The following B3GLCT variants were observed in gnomAD, a reference collection of about 807,000 sequenced individuals.
The protein encoded by B3GLCT is beta-1,3-glucosyltransferase.
A neutral mutation model predicts 63.4 loss-of-function variants in B3GLCT; 65 were observed. The observed-to-expected ratio is 1.03, with a 90% CI of 0.84 to 1.26. The LOEUF (loss-of-function observed/expected upper bound fraction) is 1.26. Among genes scored for constraint, B3GLCT ranks in the 50% most tolerant of loss-of-function variants. B3GLCT has a pLI of 0.00. For missense variants in B3GLCT, 577 were observed against 604.8 expected (o/e 0.95, Z 0.48); for synonymous variants, 233 against 219.2 (o/e 1.06, Z -0.55).
At chr13:31,306,768 C>A (rs1417982587) in intron 12 of B3GLCT, among the ~76,000 whole-genome samples, 1 of 43,066 alleles carries the variant, frequency 2.3e-5, no homozygotes, top group African/African-American at 8.3e-5. Context: ...AGGTAATTTA[C>A]AGATTCAATG....
intron 1 of B3GLCT, among the ~76,000 whole-genome samples, chr13:31,202,108 G>A (rs981050374): frequency 6.6e-6 from 1 of 152,200 alleles, no homozygotes; most frequent in African/African-American, 2.4e-5. Context: ...TGTGACAGGC[G>A]TTCTGTCACA....
At chr13:31,283,079 A>G (rs1485080279) in intron 10 of B3GLCT, 1 of 152,264 alleles carries the variant, frequency 6.6e-6, no homozygotes, top group African/African-American at 2.4e-5. Flanking sequence ...TTAATTGAGA[A>G]GAAACACCCG....
At chr13:31,311,520 A>C (rs1435026399) in intron 12 of B3GLCT, 3 of 152,248 alleles carry the variant, frequency 2.0e-5, no homozygotes, top group African/African-American at 7.2e-5. Flanking sequence ...TTTTGATGCA[A>C]CTAACCTAAA....
intron 6 of B3GLCT, among the ~76,000 whole-genome samples, chr13:31,257,810 A>C (rs540534114): frequency 3.5e-4 from 54 of 152,118 alleles, no homozygotes; most frequent in Admixed American, 1.8e-3. Context: ...AGTAGAGGCG[A>C]GTTGCTTTTT....
At chr13:31,235,586 C>T (rs1870609460) in intron 4 of B3GLCT, among the ~76,000 whole-genome samples, 1 of 152,126 alleles carries the variant, frequency 6.6e-6, no homozygotes. Context: ...TCTCAGACTG[C>T]CTGACTAATT....
chr13:31,293,400 G>T (rs1394909745), intron 12 of B3GLCT, among the ~76,000 whole-genome samples: 1 of 152,132 alleles, frequency 6.6e-6, no homozygotes, highest in Non-Finnish European at 1.5e-5. Flanking sequence ...TGACAGTGGG[G>T]TGTTAAAGCC....
At chr13:31,259,357 A>G (rs980323792) in intron 6 of B3GLCT, among the ~76,000 whole-genome samples, 1 of 151,968 alleles carries the variant, frequency 6.6e-6, no homozygotes, top group Non-Finnish European at 1.5e-5. Context: ...AGGACTTCCT[A>G]TAGAAGGATT....
intron 1 of B3GLCT, among the ~76,000 whole-genome samples, chr13:31,210,491 T>G (rs1021886773): frequency 1.3e-5 from 2 of 152,200 alleles, no homozygotes; most frequent in Non-Finnish European, 2.9e-5. Context: ...CACTCCTTCT[T>G]TTCTTTGTCA....
chr13:31,317,728 C>T (rs1053644805), intron 13 of B3GLCT, 43 bp downstream of exon 13: 20 of 1,612,376 alleles, frequency 1.2e-5, no homozygotes, highest in Non-Finnish European at 1.7e-5. Flanking sequence ...TAAACATAAA[C>T]TTCCCTTTCC....
chr13:31,256,048 G>A (rs1871721869), intron 6 of B3GLCT, among the ~76,000 whole-genome samples: 1 of 152,140 alleles, frequency 6.6e-6, no homozygotes, highest in Non-Finnish European at 1.5e-5. Flanking sequence ...CTATCCATCT[G>A]ACAAAGGGCT....
rs540610320 is a variant in B3GLCT at position 31,300,839 on chromosome 13, C to T, written c.1064+14020C>T. Among the ~76,000 whole-genome samples the T allele has an allele frequency of 3.9e-5, 6 of 152,312 alleles. No homozygotes were observed. In the East Asian group the frequency reaches 1.2e-3, roughly 29 times the overall value. On this transcript the variant is annotated intron_variant, in intron 12 of 14. Coordinates refer to ENST00000343307, the MANE Select transcript of B3GLCT (RefSeq NM_194318.4). ...GAGCAGTAAGGGATGATAAAAAATA[C>T]ACTTTAGCAAAGTTCAGGCCCCTCC...
chr13:31,240,482 T>TTTC (rs1464014015), intron 4 of B3GLCT, among the ~76,000 whole-genome samples: 1 of 151,296 alleles, frequency 6.6e-6, no homozygotes, highest in Non-Finnish European at 1.5e-5. Context: ...TTTTTTCTTT[T>TTTC]TTTTTTTTTA....
chr13:31,293,490 T>C (rs1873782415), intron 12 of B3GLCT, among the ~76,000 whole-genome samples: 1 of 152,234 alleles, frequency 6.6e-6, no homozygotes, highest in Non-Finnish European at 1.5e-5. Flanking sequence ...TGCTCCGGTA[T>C]TGGGTGCATA....
rs370713248 is a variant in B3GLCT, at chr13:31,222,946, A to G, written c.121-6A>G. ...TTCATCTTTTTCTCTTTCATTTAAA[A>G]TACAGGATTTGGAGAAAAGTGGTAT... On this transcript the variant is annotated splice_polypyrimidine_tract_variant and splice_region_variant and intron_variant, in intron 2 of 14. Coordinates refer to ENST00000343307, the MANE Select transcript of B3GLCT (RefSeq NM_194318.4). The G allele has an allele frequency of 6.0e-6, 9 of 1,511,296 alleles. No individual in the cohort carries two copies. Among genetic ancestry groups the G allele is most frequent in the African/African-American group, 1.4e-5 (1 of 72,638 alleles). 93.6% of individuals were successfully genotyped at this position (1,511,296 alleles called of 1,614,324 possible). A position where few individuals can be genotyped will look rare whatever the true frequency, so the allele number is the denominator to read the frequency against.
intron 12 of B3GLCT, among the ~76,000 whole-genome samples, chr13:31,305,231 G>C (rs1874363570): frequency 1.5e-5 from 1 of 68,098 alleles, no homozygotes; most frequent in Admixed American, 2.0e-4. Context: ...AAGCAGGAAA[G>C]ATCCAAAATT....
Position 31,208,148 on chromosome 13 carries a change from A to T in B3GLCT, c.71-6903A>T, listed in dbSNP as rs73172837. On this transcript the variant is annotated intron_variant, in intron 1 of 14. Coordinates refer to ENST00000343307, the MANE Select transcript of B3GLCT (RefSeq NM_194318.4). ...CTGTACTTTGACCTTATGCTGTATGACTTCTCAGGCAGGGCCCCGGCCCGG... is the reference window on the plus strand; with the variant it reads ...CTGTACTTTGACCTTATGCTGTATGTCTTCTCAGGCAGGGCCCCGGCCCGG... 6.0e-3 allele frequency among the ~76,000 whole-genome samples: 917 copies of T among 152,060 alleles called. 7 individuals carry two copies. The highest frequency in any genetic ancestry group is 0.017 in the Middle Eastern group (5 of 292).
intron 12 of B3GLCT, among the ~76,000 whole-genome samples, chr13:31,293,691 A>T (rs1013658727): frequency 6.6e-6 from 1 of 152,010 alleles, no homozygotes. Flanking sequence ...TTTTGAGCCT[A>T]TGGGTGTCTT....
At chr13:31,224,790 G>A (rs1007197110) in intron 3 of B3GLCT, among the ~76,000 whole-genome samples, 1 of 152,130 alleles carries the variant, frequency 6.6e-6, no homozygotes, top group Non-Finnish European at 1.5e-5. Flanking sequence ...AAGGCTGCTT[G>A]TTACAGCTTA....
chr13:31,276,860 A>G, intron 10 of B3GLCT, 89 bp downstream of exon 10: 3 of 943,672 alleles, frequency 3.2e-6, no homozygotes, highest in Non-Finnish European at 5.2e-6. Flanking sequence ...GTGTAAATTC[A>G]GAAAAGGGAT....
Sources: gnomAD v4.1 joint callset for allele counts (sites outside exome capture counted in the v4.1 genomes callset) on GRCh38, gnomAD v4.1.1 for gene constraint, MANE v1.5 for transcripts, NCBI Gene and HGNC (gene_info 2026-07-23, HGNC 2026-07-21) for gene names.